The following CDC42SE2 variants were observed in gnomAD, a reference collection of about 807,000 sequenced individuals.
CDC42SE2 encodes CDC42 small effector 2.
A neutral mutation model predicts 11.5 loss-of-function variants in CDC42SE2; 3 were observed. The ratio of observed to expected loss-of-function variants is 0.26; its 90% confidence interval spans 0.12 to 0.67. The LOEUF (loss-of-function observed/expected upper bound fraction) is 0.67. Ranked by LOEUF, CDC42SE2 falls within the 30% of genes least tolerant of loss-of-function variation. CDC42SE2 has a pLI of 0.80. For synonymous variants in CDC42SE2, 33 were observed against 34.8 expected (o/e 0.95, Z 0.18); for missense variants, 82 against 106.8 (o/e 0.77, Z 1.02).
chr5:131,381,102 T>G (rs1289897235), intron 3 of CDC42SE2, among the ~76,000 whole-genome samples: 1 of 152,186 alleles, frequency 6.6e-6, no homozygotes, highest in East Asian at 1.9e-4. Flanking sequence ...TTTGATGGCT[T>G]CTTCTCTGCC....
At chr5:131,388,297 G>A (rs1750549246) in intron 4 of CDC42SE2, among the ~76,000 whole-genome samples, 1 of 152,112 alleles carries the variant, frequency 6.6e-6, no homozygotes, top group African/African-American at 2.4e-5. Flanking sequence ...GCCTGGCTGA[G>A]TAACTTTTCT....
intron 1 of CDC42SE2, among the ~76,000 whole-genome samples, chr5:131,308,695 C>G (rs1320020438): frequency 1.4e-4 from 20 of 145,608 alleles, no homozygotes; most frequent in East Asian, 2.0e-4. Flanking sequence ...GTATTTTATT[C>G]TCTTTGAAGC....
At chr5:131,216,209 T>C in the CDC42SE2 span, among the ~76,000 whole-genome samples, 1 of 152,096 alleles carries the variant, frequency 6.6e-6, no homozygotes, top group Non-Finnish European at 1.5e-5. Context: ...GCACAGTAGC[T>C]CACGCCTGTA....
At chr5:131,359,580 G>C (rs966808253) in intron 3 of CDC42SE2, 33 bp downstream of exon 3, 3 of 1,547,256 alleles carry the variant, frequency 1.9e-6, no homozygotes, top group East Asian at 2.2e-5. Context: ...CATCAGGTGG[G>C]GTGCTTATTA....
intron 3 of CDC42SE2, among the ~76,000 whole-genome samples, chr5:131,360,982 G>T (rs1433269281): frequency 6.7e-6 from 1 of 148,272 alleles, no homozygotes; most frequent in African/African-American, 2.5e-5. Flanking sequence ...CTGGATTGTG[G>T]TTACATGTTT....
intron 1 of CDC42SE2, among the ~76,000 whole-genome samples, chr5:131,306,703 T>A (rs182734199): frequency 1.3e-5 from 2 of 152,284 alleles, no homozygotes; most frequent in East Asian, 3.9e-4. Context: ...TTAACAACAT[T>A]AAAGATTCCA....
chr5:131,375,402 CTATT>C lies in CDC42SE2; in HGVS notation c.55-10133_55-10130del, dbSNP rs371976809. On this transcript the variant is annotated intron_variant, in intron 3 of 4. Coordinates refer to ENST00000505065, the MANE Select transcript of CDC42SE2 (RefSeq NM_001375635.1). ...TGTAAATGCATTACCAGCAACTCAC[CTATT>C]TATTTATGAATATTTCCAACACAAA... Among the ~76,000 whole-genome samples the C allele has an allele frequency of 5.9e-3, 903 of 152,282 alleles. 5 individuals are homozygous for C. Among genetic ancestry groups the C allele is most frequent in the African/African-American group, 0.021 (865 of 41,550 alleles).
intron 3 of CDC42SE2, among the ~76,000 whole-genome samples, chr5:131,381,603 G>GT (rs1438237301): frequency 6.6e-6 from 1 of 152,176 alleles, no homozygotes; most frequent in African/African-American, 2.4e-5. Flanking sequence ...GATTACAGGC[G>GT]TGAGCCACCA....
intron 1 of CDC42SE2, among the ~76,000 whole-genome samples, chr5:131,292,240 CAAAAAAAAAAAA>C (rs1202956370): frequency 2.3e-4 from 6 of 25,604 alleles, no homozygotes; most frequent in Admixed American, 5.4e-4. Flanking sequence ...TCTGTCTCAC[CAAAAAAAAAAAA>C]AAAAAAAAAA....
intron 1 of CDC42SE2, among the ~76,000 whole-genome samples, chr5:131,291,569 C>T (rs547881989): frequency 6.6e-6 from 1 of 152,164 alleles, no homozygotes; most frequent in South Asian, 2.1e-4. Flanking sequence ...CAGCATGCTC[C>T]TTTTTCTCAT....
At chr5:131,259,793 G>A (rs1756708201), upstream of CDC42SE2, among the ~76,000 whole-genome samples, 1 of 152,224 alleles carries the variant, frequency 6.6e-6, no homozygotes, top group African/African-American at 2.4e-5. Flanking sequence ...TATTAAATGT[G>A]TCTCTTGTCA....
chr5:131,222,436 T>C, the CDC42SE2 span, among the ~76,000 whole-genome samples: 4 of 152,208 alleles, frequency 2.6e-5, no homozygotes, highest in East Asian at 5.8e-4. Flanking sequence ...TGAAATTAAT[T>C]AATATATTTG....
chr5:131,365,972 T>C (rs1216976949), intron 3 of CDC42SE2, among the ~76,000 whole-genome samples: 1 of 152,064 alleles, frequency 6.6e-6, no homozygotes, highest in Non-Finnish European at 1.5e-5. Flanking sequence ...CAGAGCGAGA[T>C]TCTGTTAAAA....
intron 2 of CDC42SE2, among the ~76,000 whole-genome samples, chr5:131,328,121 T>C (rs1445445994): frequency 6.6e-6 from 1 of 152,176 alleles, no homozygotes. Context: ...CATTAATCTT[T>C]TGGGGATTTG....
intron 2 of CDC42SE2, among the ~76,000 whole-genome samples, chr5:131,345,599 C>T (rs978779054): frequency 6.6e-6 from 1 of 152,128 alleles, no homozygotes; most frequent in Admixed American, 6.6e-5. Flanking sequence ...AGGAGAACTT[C>T]CCCAACCTAG....
chr5:131,278,596 T>C (rs1361785196), intron 1 of CDC42SE2, among the ~76,000 whole-genome samples: 1 of 150,614 alleles, frequency 6.6e-6, no homozygotes, highest in Non-Finnish European at 1.5e-5. Context: ...AGGGGCCCTT[T>C]TCTCAAAGAG....
intron 1 of CDC42SE2, among the ~76,000 whole-genome samples, chr5:131,278,711 TCTCCCCTCCCCTC>T (rs1757158311): frequency 2.7e-5 from 1 of 36,402 alleles, no homozygotes; most frequent in Non-Finnish European, 5.5e-5. Context: ...TTTCCTTTCC[TCTCCCCTCCCCTC>T]CCCCCTCCCC....
chr5:131,246,525 T>G (rs1756584626), intron 1 of CDC42SE2, among the ~76,000 whole-genome samples: 1 of 152,118 alleles, frequency 6.6e-6, no homozygotes, highest in Non-Finnish European at 1.5e-5. Context: ...TTGCCAGGTT[T>G]TTTTGGTTTT....
At chr5:131,236,063 C>A in the CDC42SE2 span, among the ~76,000 whole-genome samples, 1 of 152,134 alleles carries the variant, frequency 6.6e-6, no homozygotes. Flanking sequence ...CACTTCACAT[C>A]GTATGTCCTT....
Sources: gnomAD v4.1 joint callset for allele counts (sites outside exome capture counted in the v4.1 genomes callset) on GRCh38, gnomAD v4.1.1 for gene constraint, MANE v1.5 for transcripts, NCBI Gene and HGNC (gene_info 2026-07-23, HGNC 2026-07-21) for gene names.